The following RAPGEF3 variants were observed in gnomAD, a reference collection of about 807,000 sequenced individuals.
RAPGEF3 encodes the protein 9330170P05Rik.
In RAPGEF3, 103 loss-of-function variants were observed where a neutral mutation model predicts 129.8. The ratio of observed to expected loss-of-function variants is 0.79; its 90% CI spans 0.68 to 0.93. The LOEUF is 0.93. Among genes scored for constraint, RAPGEF3 ranks in the 40% least tolerant of loss-of-function variants. The pLI, the probability that RAPGEF3 is intolerant of heterozygous loss-of-function variation, is 0.00. For missense variants in RAPGEF3, 1,117 were observed against 1,207.4 expected (o/e 0.93, Z 1.11); for synonymous variants, 436 against 482.6 (o/e 0.90, Z 1.26).
In RAPGEF3 at chr12:47,735,604, G is replaced by C. The variant is rs1940774042; in HGVS notation, c.*1963C>G. Reference sequence around the variant, plus strand: ...GCAGCTGGGAGACCACCGGGTGGCTGCAGGGTGGTCTGGACTGTAAAGCTG... The same window carrying C: ...GCAGCTGGGAGACCACCGGGTGGCTCCAGGGTGGTCTGGACTGTAAAGCTG... On this transcript the variant is annotated 3_prime_UTR_variant, in exon 28 of 28. Coordinates refer to ENST00000449771, the MANE Select transcript of RAPGEF3 (RefSeq NM_001098531.4). 1 of 152,408 alleles carries C rather than the reference G, an allele frequency of 6.6e-6. No homozygotes were observed. 9.4% of individuals were successfully genotyped at this position (152,408 alleles called of 1,614,324 possible).
In RAPGEF3 at chr12:47,751,047, C is replaced by T. The variant is rs913674323; in HGVS notation, c.671+1G>A. ...CACGGGGTGCAGGGATTCTGACTCACGGCTTTCGAAGTGCCACAGTGAGCA... is the reference window on the plus strand; with the variant it reads ...CACGGGGTGCAGGGATTCTGACTCATGGCTTTCGAAGTGCCACAGTGAGCA... On this transcript the variant is annotated splice_donor_variant, in intron 6 of 27. Transcript: ENST00000449771. LOFTEE classifies it high-confidence loss of function. 3.8e-6 allele frequency: 6 copies of T among 1,597,362 alleles called. No homozygotes were observed. Among genetic ancestry groups the T allele is most frequent in the Non-Finnish European group, 5.1e-6 (6 of 1,172,970 alleles).
At chr12:47,739,851 G>A (rs1205428504) in intron 23 of RAPGEF3, 1 of 527,108 alleles carries the variant, frequency 1.9e-6, no homozygotes, top group African/African-American at 1.9e-5. Context: ...CCCAGGACTG[G>A]ACACCCACAT....
intron 24 of RAPGEF3, 39 bp from the exon 25 acceptor site, chr12:47,738,793 T>A: frequency 1.3e-6 from 2 of 1,543,518 alleles, no homozygotes; most frequent in Non-Finnish European, 1.8e-6. Flanking sequence ...TCCCCAAACT[T>A]CTGCCCTCCT....
intron 23 of RAPGEF3, 120 bp downstream of exon 23, chr12:47,740,021 T>A: frequency 1.5e-6 from 2 of 1,296,894 alleles, no homozygotes; most frequent in Non-Finnish European, 2.2e-6. Flanking sequence ...TTGGGAACCC[T>A]GAAAGTGACA....
intron 4 of RAPGEF3, 94 bp from the exon 5 acceptor site, chr12:47,751,614 C>T (rs1466989410): frequency 1.3e-6 from 2 of 1,599,754 alleles, no homozygotes; most frequent in Non-Finnish European, 1.7e-6. Flanking sequence ...AGGCCCAAGC[C>T]TGGTTCGTCC....
In RAPGEF3 at chr12:47,748,856, C is replaced by CG; in HGVS notation, c.1116dup (p.Ala373ArgfsTer40). 1 of 1,614,008 alleles carries CG rather than the reference C, an allele frequency of 6.2e-7. No individual in the cohort carries two copies. The highest frequency in any genetic ancestry group is 8.5e-7 in the Non-Finnish European group (1 of 1,179,894). On this transcript the variant is annotated frameshift_variant, in exon 11 of 28. Coordinates refer to ENST00000449771, the MANE Select transcript of RAPGEF3 (RefSeq NM_001098531.4). LOFTEE classifies it high-confidence loss of function. ...GGGGTTGGGGGTCGGGAAGGGCCGG[C>CG]GCCCTGAGAGGCTCTCTCCAGCACC...
At chr12:47,739,456 G>A (rs1472137272) in intron 23 of RAPGEF3, 1 of 694,950 alleles carries the variant, frequency 1.4e-6, no homozygotes. Context: ...AGGGGCCCCA[G>A]GTTTCTTGGA....
In RAPGEF3 at chr12:47,749,523, G is replaced by T; in HGVS notation, c.908C>A (p.Thr303Asn). 6.2e-7 allele frequency: 1 copy of T among 1,610,148 alleles called. No individual in the cohort carries two copies. Among genetic ancestry groups the T allele is most frequent in the Non-Finnish European group, 8.5e-7 (1 of 1,179,956 alleles). The change falls in exon 10 of 28, where the codon ACC (threonine) becomes AAC (asparagine). Residue 303 changes from threonine to asparagine, a missense_variant. Physicochemically the swap from Thr to Asn is moderately conservative, Grantham distance 65. Around this residue, in one of 3 missense-constraint regions of RAPGEF3, gnomAD observed 107 missense variants for 160.7 expected, o/e 0.67. Coordinates refer to ENST00000449771, the MANE Select transcript of RAPGEF3 (RefSeq NM_001098531.4). The surrounding 1 kb of genome is among the most constrained non-coding windows in gnomAD (Gnocchi z 4.5). ...VVTHGKGLVTTLHEGDDFGQL... is the reference protein window; with the variant it reads ...VVTHGKGLVTNLHEGDDFGQL... Reference sequence around the variant, plus strand: ...TCCAAAATCATCTCCCTCATGCAGGGTGGTCACCAGCCCCTGCAGCCAGGC... The same window carrying T: ...TCCAAAATCATCTCCCTCATGCAGGTTGGTCACCAGCCCCTGCAGCCAGGC...
In RAPGEF3 at chr12:47,749,299, T is replaced by C. The variant is rs1435069100; in HGVS notation, c.1041+91A>G. 3.7e-6 allele frequency: 5 copies of C among 1,342,134 alleles called. No homozygotes were observed. Among genetic ancestry groups the C allele is most frequent in the Non-Finnish European group, 5.2e-6 (5 of 963,446 alleles). The allele number at this position is 1,342,134 out of a possible 1,614,324, so 83.1% of individuals were successfully genotyped here. On this transcript the variant is annotated intron_variant, in intron 10 of 27. Coordinates refer to ENST00000449771, the MANE Select transcript of RAPGEF3 (RefSeq NM_001098531.4). The surrounding 1 kb of genome is among the most constrained non-coding windows in gnomAD (Gnocchi z 4.5). ...CAGCATCTCTTACCTGCCCTGCTTC[T>C]TACAGGCCCTCTGCTCTGGTCCCTA...
chr12:47,746,039 G>A (rs1034939135), intron 16 of RAPGEF3: 1 of 152,686 alleles, frequency 6.5e-6, no homozygotes, highest in African/African-American at 2.4e-5. Flanking sequence ...GCAGAGCGTG[G>A]TGGGAGAAAG....
chr12:47,747,755 C>T lies in RAPGEF3; in HGVS notation c.1430G>A (p.Gly477Asp). The change falls in exon 14 of 28, where the codon GGC (glycine) becomes GAC (aspartate). Residue 477 changes from glycine (G) to aspartate (D), a missense_variant. Around this residue, in one of 3 missense-constraint regions of RAPGEF3, gnomAD observed 643 missense variants for 673.4 expected, o/e 0.95. Transcript: ENST00000449771. ...RLVSQWVALY[G>D]SMLHTDPVAT... ...CACAGGGTCAGTGTGGAGCATGGAGCCATACAGGGCCACCCACTGGCTGAC... is the reference window on the plus strand; with the variant it reads ...CACAGGGTCAGTGTGGAGCATGGAGTCATACAGGGCCACCCACTGGCTGAC... The T allele has an allele frequency of 6.2e-7, 1 of 1,609,228 alleles. No individual in the cohort carries two copies. Among genetic ancestry groups the T allele is most frequent in the Non-Finnish European group, 8.5e-7 (1 of 1,179,978 alleles).
At chr12:47,743,440 G>T in intron 18 of RAPGEF3, 90 bp downstream of exon 18, 1 of 1,466,594 alleles carries the variant, frequency 6.8e-7, no homozygotes, top group Non-Finnish European at 9.3e-7. Flanking sequence ...CCAGAAAGAT[G>T]ACAATGATGA....
At chr12:47,744,208 A>G in intron 16 of RAPGEF3, 140 bp from the exon 17 acceptor site, 1 of 691,850 alleles carries the variant, frequency 1.4e-6, no homozygotes, top group Middle Eastern at 3.6e-4. Context: ...TGCTTGCCAC[A>G]TTCACCTGAG....
chr12:47,738,135 G>C (rs1940902919), intron 26 of RAPGEF3, 42 bp from the exon 27 acceptor site: 2 of 1,613,726 alleles, frequency 1.2e-6, no homozygotes, highest in East Asian at 2.2e-5. Flanking sequence ...GGCCACCCTG[G>C]AGCCTCACAG....
chr12:47,740,074 G>A (rs1941048395), intron 23 of RAPGEF3, 67 bp downstream of exon 23: 3 of 1,529,072 alleles, frequency 2.0e-6, no homozygotes, highest in Admixed American at 1.8e-5. Flanking sequence ...GAGTGAGGGT[G>A]TCTGGAGGGC....
At chr12:47,754,005 A>T (rs1941908253) in intron 2 of RAPGEF3, 1 of 152,266 alleles carries the variant, frequency 6.6e-6, no homozygotes, top group Non-Finnish European at 1.5e-5. Flanking sequence ...AAGCCCAGAG[A>T]GATCACACAA....
intron 4 of RAPGEF3, 96 bp downstream of exon 4, chr12:47,751,627 G>T: frequency 6.3e-7 from 1 of 1,598,680 alleles, no homozygotes. Flanking sequence ...GTTCGTCCCT[G>T]TGCTAGAAGC....
intron 26 of RAPGEF3, 22 bp downstream of exon 26, chr12:47,738,171 C>A: frequency 6.2e-7 from 1 of 1,613,810 alleles, no homozygotes; most frequent in Non-Finnish European, 8.5e-7. Flanking sequence ...GGACCTCCCA[C>A]CCCGGGGACC....
At chr12:47,754,770 T>G (rs1285187644) in intron 2 of RAPGEF3, among the ~76,000 whole-genome samples, 1 of 152,214 alleles carries the variant, frequency 6.6e-6, no homozygotes, top group Admixed American at 6.5e-5. Context: ...TCATGTCAGT[T>G]TCAGGGTTCT....
Sources: gnomAD v4.1 joint callset for allele counts (sites outside exome capture counted in the v4.1 genomes callset) on GRCh38, gnomAD v4.1.1 for gene constraint, gnomAD v4.1.1 regional missense constraint, Gnocchi (gnomAD v3.1) non-coding constraint, MANE v1.5 for transcripts, NCBI Gene and HGNC (gene_info 2026-07-23, HGNC 2026-07-21) for gene names.